Variants in CHST12 observed in about 807,000 individuals in gnomAD.
CHST12 encodes the protein carbohydrate (chondroitin 4) sulfotransferase 12.
In CHST12, 23 loss-of-function variants were observed where a neutral mutation model predicts 27.9. The observed-to-expected ratio is 0.82, with a 90% confidence interval of 0.59 to 1.17. The LOEUF is 1.17. CHST12 is among the 50% of genes most tolerant of loss of function. CHST12 has a pLI of 0.00. For synonymous variants in CHST12, 322 were observed against 273.0 expected, an observed-to-expected ratio of 1.18 and a Z score of -1.77; for missense variants, 682 against 603.0, an observed-to-expected ratio of 1.13 and a Z score of -1.37.
At chr7:2,423,386 A>C (rs1782026318) in intron 1 of CHST12, among the ~76,000 whole-genome samples, 1 of 152,188 alleles carries the variant, frequency 6.6e-6, no homozygotes, top group Non-Finnish European at 1.5e-5. Context: ...TCACACCCTG[A>C]ACACACTGGG....
At chr7:2,423,949 C>T (rs939082491) in intron 1 of CHST12, among the ~76,000 whole-genome samples, 1 of 151,892 alleles carries the variant, frequency 6.6e-6, no homozygotes, top group African/African-American at 2.4e-5. Flanking sequence ...CGCCTATGGT[C>T]CCAGCTACTT....
intron 1 of CHST12, among the ~76,000 whole-genome samples, chr7:2,430,418 C>T (rs767552012): frequency 4.6e-5 from 7 of 152,136 alleles, no homozygotes; most frequent in Admixed American, 2.0e-4. Flanking sequence ...TGGGTTCAAG[C>T]GATTCTCCTG....
At chr7:2,403,527 C>G (rs1319776232), upstream of CHST12, 1 of 151,374 alleles carries the variant, frequency 6.6e-6, no homozygotes, top group South Asian at 1.8e-4. Flanking sequence ...CCGGCGGCCG[C>G]GACGTCTCGC....
chr7:2,428,045 C>T (rs1475489936), intron 1 of CHST12, among the ~76,000 whole-genome samples: 2 of 151,972 alleles, frequency 1.3e-5, no homozygotes, highest in Non-Finnish European at 2.9e-5. Flanking sequence ...CCTCGTGATC[C>T]ACCCACCTCG....
At position 2,433,889 on chromosome 7, in the gene CHST12, T is replaced by A; in HGVS notation, c.*5T>A. 3 of 1,553,298 alleles carry A rather than the reference T, an allele frequency of 1.9e-6. No homozygotes were observed. The highest frequency in any genetic ancestry group is 2.6e-6 in the Non-Finnish European group (3 of 1,147,326). Reference sequence around the variant, plus strand: ...GAAAACCTCCTCCGAGACTGAAAGCTTTCGCGTTGCTTTTTCTCGCGTGCC... The same window carrying A: ...GAAAACCTCCTCCGAGACTGAAAGCATTCGCGTTGCTTTTTCTCGCGTGCC... On this transcript the variant is annotated 3_prime_UTR_variant, in exon 2 of 2. Transcript: ENST00000618655. The surrounding 1 kb of genome is among the most constrained non-coding windows in gnomAD (Gnocchi z 6.1).
chr7:2,424,675 C>T (rs1281748846), intron 1 of CHST12, among the ~76,000 whole-genome samples: 1 of 152,198 alleles, frequency 6.6e-6, no homozygotes, highest in African/African-American at 2.4e-5. Flanking sequence ...ATTCACTGGG[C>T]TGACTGTGCT....
At chr7:2,410,504 CTAAAAA>C (rs890081853) in intron 1 of CHST12, among the ~76,000 whole-genome samples, 2 of 152,112 alleles carry the variant, frequency 1.3e-5, no homozygotes, top group African/African-American at 4.8e-5. Flanking sequence ...AGACACTACT[CTAAAAA>C]TAATAAATAA....
chr7:2,412,032 C>A (rs1042936146), intron 1 of CHST12, among the ~76,000 whole-genome samples: 3 of 152,004 alleles, frequency 2.0e-5, no homozygotes, highest in African/African-American at 7.3e-5. Context: ...ACAGGGTGAG[C>A]TGATAGCCTC....
chr7:2,418,357 C>T (rs1781865182), intron 1 of CHST12, among the ~76,000 whole-genome samples: 1 of 152,216 alleles, frequency 6.6e-6, no homozygotes, highest in African/African-American at 2.4e-5. Context: ...TGGAAAAGCA[C>T]CTCCACCGCT....
At position 2,439,223 on chromosome 7, in the gene CHST12, A is replaced by G. The variant is rs937622027; in HGVS notation, c.*5339A>G. 4 of 152,128 alleles carry G rather than the reference A, an allele frequency of 2.6e-5. No homozygotes were observed. Among genetic ancestry groups the G allele is most frequent in the African/African-American group, 9.7e-5 (4 of 41,422 alleles). 9.4% of individuals were successfully genotyped at this position (152,128 alleles called of 1,614,324 possible). A position where few individuals can be genotyped will look rare whatever the true frequency, so the allele number is the denominator to read the frequency against. ...AAGGAGTTCCATCAGTGAAGAGAGAAGCCACGTGACCTGAGGATGCAGGGC... is the reference window on the plus strand; with the variant it reads ...AAGGAGTTCCATCAGTGAAGAGAGAGGCCACGTGACCTGAGGATGCAGGGC... On this transcript the variant is annotated 3_prime_UTR_variant, in exon 2 of 2. Transcript: ENST00000618655.
intron 1 of CHST12, among the ~76,000 whole-genome samples, chr7:2,428,506 G>C (rs145618034): frequency 1.8e-3 from 271 of 152,266 alleles, no homozygotes; most frequent in Middle Eastern, 0.017. Context: ...GGGTCCGGGG[G>C]GTGACCGCCT....
chr7:2,413,721 A>AG (rs948093280), intron 1 of CHST12, among the ~76,000 whole-genome samples: 6 of 127,344 alleles, frequency 4.7e-5, no homozygotes, highest in African/African-American at 1.8e-4. Flanking sequence ...TTCAGGTTTT[A>AG]GCTTTTTTTT....
chr7:2,433,168 A>G lies in CHST12; in HGVS notation c.529A>G (p.Asn177Asp). Residue 177 changes from asparagine (N) to aspartate (D), a missense_variant, in exon 2 of 2, where the codon AAC (asparagine) becomes GAC (aspartate). Physicochemically the swap from Asn to Asp is conservative, Grantham distance 23. Transcript: ENST00000618655. This position sits in a 1 kb window ranked among gnomAD's most constrained non-coding sequence, Gnocchi z 6.1. ...CTACGTGCCCAAGGTGGCCTGCACC[A>G]ACTGGAAGCGCGTGATGATCGTGCT... ...YCYVPKVACT[N>D]WKRVMIVLSG... 1 of 1,613,088 alleles carries G rather than the reference A, an allele frequency of 6.2e-7. No homozygotes were observed. Among genetic ancestry groups the G allele is most frequent in the Non-Finnish European group, 8.5e-7 (1 of 1,179,622 alleles).
At position 2,444,538 on chromosome 7, in the gene CHST12, C is replaced by G. The variant is rs1782701053; in HGVS notation, c.*10654C>G. 6.6e-6 allele frequency: 1 copy of G among 152,406 alleles called. No homozygotes were observed. The highest frequency in any genetic ancestry group is 2.4e-5 in the African/African-American group (1 of 41,466). The allele number at this position is 152,406 out of a possible 1,614,324, so 9.4% of individuals were successfully genotyped here. ...TGGCCTGCCTTGTTCCTGAGCTCAC[C>G]AGGGTCCTTCACTCTGTGGCACTGG... On this transcript the variant is annotated 3_prime_UTR_variant, in exon 2 of 2. Transcript: ENST00000618655.
Position 2,447,226 on chromosome 7 carries a change from C to T in CHST12, c.*13342C>T, listed in dbSNP as rs1782778234. The T allele has an allele frequency of 1.3e-5, 2 of 152,274 alleles. No individual in the cohort carries two copies. Among genetic ancestry groups the T allele is most frequent in the South Asian group, 2.1e-4 (1 of 4,834 alleles). 9.4% of individuals were successfully genotyped at this position (152,274 alleles called of 1,614,324 possible). A position where few individuals can be genotyped will look rare whatever the true frequency, so the allele number is the denominator to read the frequency against. On this transcript the variant is annotated 3_prime_UTR_variant, in exon 2 of 2. Transcript: ENST00000618655. ...AGCGACCACTGAGGCTGGTGCTGCA[C>T]TTTCTCAGGGAATTGAGTGTGGGCT... is the stretch of plus-strand genomic sequence containing the variant.
chr7:2,427,585 A>G (rs929187092), intron 1 of CHST12, among the ~76,000 whole-genome samples: 3 of 150,244 alleles, frequency 2.0e-5, no homozygotes, highest in African/African-American at 7.5e-5. Context: ...ACCCCCCCCT[A>G]CAGAGATGAT....
chr7:2,433,358 A>C lies in CHST12; in HGVS notation c.719A>C (p.Lys240Thr). The change falls in exon 2 of 2, where the codon AAG (lysine) becomes ACG (threonine). Residue 240 changes from lysine to threonine, a missense_variant. Lys to Thr is a moderately conservative substitution (Grantham distance 78, BLOSUM62 -1). Transcript: ENST00000618655. This position sits in a 1 kb window ranked among gnomAD's most constrained non-coding sequence, Gnocchi z 6.1. ...AAGGTCAAGCTCAAGAAGTACACCAAGTTCCTCTTCGTGCGCGACCCCTTC... is the reference window on the plus strand; with the variant it reads ...AAGGTCAAGCTCAAGAAGTACACCACGTTCCTCTTCGTGCGCGACCCCTTC... Reference protein sequence around the residue: ...LMKVKLKKYTKFLFVRDPFVR... With the variant: ...LMKVKLKKYTTFLFVRDPFVR... 6.2e-7 allele frequency: 1 copy of C among 1,612,010 alleles called. No individual in the cohort carries two copies. The highest frequency in any genetic ancestry group is 8.5e-7 in the Non-Finnish European group (1 of 1,179,942).
chr7:2,424,424 T>C (rs145459487), intron 1 of CHST12, among the ~76,000 whole-genome samples: 31 of 151,512 alleles, frequency 2.0e-4, no homozygotes, highest in African/African-American at 7.2e-4. Context: ...CTCATGAACT[T>C]TGAGGTTCAT....
At chr7:2,427,060 C>CT in intron 1 of CHST12, among the ~76,000 whole-genome samples, 1 of 150,194 alleles carries the variant, frequency 6.7e-6, no homozygotes, top group Non-Finnish European at 1.5e-5. Context: ...ATTTGTAGCA[C>CT]TTTGCAAGGC....
Sources: allele counts gnomAD v4.1 joint callset (sites outside exome capture counted in the v4.1 genomes callset), GRCh38; gene constraint gnomAD v4.1.1; non-coding constraint Gnocchi (gnomAD v3.1); transcripts MANE v1.5; gene names NCBI Gene and HGNC (gene_info 2026-07-23, HGNC 2026-07-21).